Variants in C16orf87 observed in about 807,000 individuals in gnomAD.
The protein encoded by C16orf87 is UPF0547 protein C16orf87.
Under a neutral mutation model 21.0 loss-of-function variants are expected in C16orf87, and 13 were observed. The ratio of observed to expected loss-of-function variants is 0.62; its 90% CI spans 0.40 to 0.98. The LOEUF (loss-of-function observed/expected upper bound fraction) is 0.98. Ranked by LOEUF, C16orf87 falls within the 50% of genes least tolerant of loss-of-function variation. The pLI is 0.00. For synonymous variants in C16orf87, 49 were observed against 60.2 expected, an observed-to-expected ratio of 0.81 and a Z score of 0.86; for missense variants, 113 against 180.4, an observed-to-expected ratio of 0.63 and a Z score of 2.14.
At chr16:46,817,987 A>C (rs1959261716) in intron 2 of C16orf87, among the ~76,000 whole-genome samples, 1 of 151,008 alleles carries the variant, frequency 6.6e-6, no homozygotes, top group African/African-American at 2.4e-5. Context: ...AGGAATGTAC[A>C]GCACTTTTAT....
In C16orf87 at chr16:46,801,628, G is replaced by C. The variant is rs1233997967; in HGVS notation, c.*1324C>G. ...AGGAAAATTCTTTATCCTATCTAGA[G>C]TACCTCTTAAGCTCCCTCTGCTGGT... On this transcript the variant is annotated 3_prime_UTR_variant, in exon 4 of 4. Coordinates refer to ENST00000285697, the MANE Select transcript of C16orf87 (RefSeq NM_001001436.4). 1 of 152,198 alleles carries C rather than the reference G, an allele frequency of 6.6e-6. No homozygotes were observed. Among genetic ancestry groups the C allele is most frequent in the East Asian group, 1.9e-4 (1 of 5,196 alleles). The allele number at this position is 152,198 out of a possible 1,614,324, so 9.4% of individuals were successfully genotyped here.
chr16:46,801,830 T>G lies in C16orf87; in HGVS notation c.*1122A>C, dbSNP rs1967787329. 1 of 152,190 alleles carries G rather than the reference T, an allele frequency of 6.6e-6. No homozygotes were observed. The highest frequency in any genetic ancestry group is 2.1e-4 in the South Asian group (1 of 4,828). The allele number at this position is 152,190 out of a possible 1,614,324, so 9.4% of individuals were successfully genotyped here. ...TTCTGTAAGAAGGCTTTAAAAGGAT[T>G]TCTAAACAGATTGGGGGAAGAGCGA... On this transcript the variant is annotated 3_prime_UTR_variant, in exon 4 of 4. Coordinates refer to ENST00000285697, the MANE Select transcript of C16orf87 (RefSeq NM_001001436.4).
intron 2 of C16orf87, among the ~76,000 whole-genome samples, chr16:46,822,816 T>C (rs1267598678): frequency 6.6e-6 from 1 of 152,136 alleles, no homozygotes; most frequent in African/African-American, 2.4e-5. Flanking sequence ...GAGGATGCCA[T>C]CTTCTCCTCT....
At chr16:46,818,117 C>T (rs1959266504) in intron 2 of C16orf87, among the ~76,000 whole-genome samples, 1 of 152,026 alleles carries the variant, frequency 6.6e-6, no homozygotes, top group Non-Finnish European at 1.5e-5. Flanking sequence ...CTCAAGTGAT[C>T]CATCTGCCTC....
At chr16:46,808,090 G>A (rs781743488) in intron 3 of C16orf87, 32 of 455,656 alleles carry the variant, frequency 7.0e-5, no homozygotes, top group South Asian at 5.0e-4. Context: ...TCTTTACCTA[G>A]TTTCCCTTCT....
chr16:46,828,797 G>A (rs906857560), intron 1 of C16orf87, among the ~76,000 whole-genome samples: 1 of 152,160 alleles, frequency 6.6e-6, no homozygotes, highest in South Asian at 2.1e-4. Flanking sequence ...TGGCTTTCTG[G>A]ATTATAATCA....
At chr16:46,819,557 G>T (rs943687999) in intron 2 of C16orf87, among the ~76,000 whole-genome samples, 3 of 151,444 alleles carry the variant, frequency 2.0e-5, no homozygotes, top group Non-Finnish European at 2.9e-5. Context: ...TGATCCGCCC[G>T]CCTCAGTCTC....
At chr16:46,823,326 C>T (rs892917150) in intron 2 of C16orf87, among the ~76,000 whole-genome samples, 3 of 152,132 alleles carry the variant, frequency 2.0e-5, no homozygotes, top group Non-Finnish European at 4.4e-5. Context: ...TGCTTTGTGC[C>T]CAAGGCTTGG....
chr16:46,804,893 A>T (rs943362841), intron 3 of C16orf87, among the ~76,000 whole-genome samples: 3 of 152,212 alleles, frequency 2.0e-5, no homozygotes, highest in African/African-American at 7.2e-5. Flanking sequence ...TATTTTGCTC[A>T]ACATGTTTTT....
chr16:46,826,425 A>G (rs1179223758), intron 1 of C16orf87, among the ~76,000 whole-genome samples: 1 of 152,228 alleles, frequency 6.6e-6, no homozygotes, highest in Non-Finnish European at 1.5e-5. Context: ...CTGAGTTAAA[A>G]TTATGAAGCT....
At chr16:46,830,238 TAGAG>T (rs981601105) in intron 1 of C16orf87, among the ~76,000 whole-genome samples, 6 of 103,232 alleles carry the variant, frequency 5.8e-5, no homozygotes, top group African/African-American at 1.9e-4. Flanking sequence ...AGAAACGAGA[TAGAG>T]AGATAGAGAG....
chr16:46,811,263 G>A (rs1968074405), intron 2 of C16orf87, among the ~76,000 whole-genome samples: 1 of 152,070 alleles, frequency 6.6e-6, no homozygotes, highest in South Asian at 2.1e-4. Context: ...TAGCACTTTG[G>A]GTAGCCAAGG....
In C16orf87 at chr16:46,799,340, G is replaced by T. The variant is rs1967708235; in HGVS notation, c.*3612C>A. ...TAAAAATATATAAACATATATACATGTACTTCCAAATGTAAAAATGAAGCT... is the reference window on the plus strand; with the variant it reads ...TAAAAATATATAAACATATATACATTTACTTCCAAATGTAAAAATGAAGCT... On this transcript the variant is annotated 3_prime_UTR_variant, in exon 4 of 4. Coordinates refer to ENST00000285697, the MANE Select transcript of C16orf87 (RefSeq NM_001001436.4). 6.6e-6 allele frequency: 1 copy of T among 152,190 alleles called. No homozygotes were observed. The highest frequency in any genetic ancestry group is 2.1e-4 in the South Asian group (1 of 4,820). 9.4% of individuals were successfully genotyped at this position (152,190 alleles called of 1,614,324 possible).
In C16orf87 at chr16:46,798,000, T is replaced by TA. The variant is rs1967661381; in HGVS notation, c.*4951dup. 6.6e-6 allele frequency: 1 copy of TA among 152,092 alleles called. No individual in the cohort carries two copies. Among genetic ancestry groups the TA allele is most frequent in the Admixed American group, 6.5e-5 (1 of 15,278 alleles). The allele number at this position is 152,092 out of a possible 1,614,324, so 9.4% of individuals were successfully genotyped here. A position where few individuals can be genotyped will look rare whatever the true frequency, so the allele number is the denominator to read the frequency against. On this transcript the variant is annotated 3_prime_UTR_variant, in exon 4 of 4. Transcript: ENST00000285697. ...AAAGCAAATGGGAAATTTATAGCAT[T>TA]AAATGCTTTTTTTAGAAAAGCACAA...
chr16:46,829,941 AG>A (rs1238339278), intron 1 of C16orf87, among the ~76,000 whole-genome samples: 5 of 139,092 alleles, frequency 3.6e-5, no homozygotes, highest in Non-Finnish European at 6.2e-5. Context: ...AAAAAAAAAA[AG>A]GCGGTGGGGG....
chr16:46,808,702 C>A (rs559891864), intron 3 of C16orf87, among the ~76,000 whole-genome samples: 1 of 152,072 alleles, frequency 6.6e-6, no homozygotes, highest in Admixed American at 6.5e-5. Context: ...TCTACTCTTG[C>A]ATATGTTGAA....
intron 1 of C16orf87, among the ~76,000 whole-genome samples, chr16:46,830,264 CAGACAG>C (rs1201132016): frequency 6.1e-4 from 25 of 41,218 alleles, no homozygotes; most frequent in African/African-American, 1.8e-3. Context: ...TAGAGAGAGA[CAGACAG>C]AGAGAGAGAG....
intron 3 of C16orf87, among the ~76,000 whole-genome samples, chr16:46,805,201 C>A (rs557334769): frequency 1.8e-4 from 28 of 152,154 alleles, no homozygotes; most frequent in Non-Finnish European, 3.5e-4. Flanking sequence ...TGACTTCCTT[C>A]TCCTCCATCT....
Position 46,796,661 on chromosome 16 carries a change from C to T in C16orf87, c.*6291G>A, listed in dbSNP as rs1475725837. Reference sequence around the variant, plus strand: ...TACAATGTGAACATACATATTGAAACATCATGCTGCATACAATATATGATT... The same window carrying T: ...TACAATGTGAACATACATATTGAAATATCATGCTGCATACAATATATGATT... On this transcript the variant is annotated 3_prime_UTR_variant, in exon 4 of 4. Coordinates refer to ENST00000285697, the MANE Select transcript of C16orf87 (RefSeq NM_001001436.4). The T allele has an allele frequency of 6.6e-6, 1 of 152,088 alleles. No homozygotes were observed. Among genetic ancestry groups the T allele is most frequent in the Non-Finnish European group, 1.5e-5 (1 of 68,026 alleles). The allele number at this position is 152,088 out of a possible 1,614,324, so 9.4% of individuals were successfully genotyped here. A position where few individuals can be genotyped will look rare whatever the true frequency, so the allele number is the denominator to read the frequency against.
Sources: allele counts gnomAD v4.1 joint callset (sites outside exome capture counted in the v4.1 genomes callset), GRCh38; gene constraint gnomAD v4.1.1; transcripts MANE v1.5; gene names NCBI Gene and HGNC (gene_info 2026-07-23, HGNC 2026-07-21).